Variants in CACHD1 observed in about 807,000 individuals in gnomAD.
CACHD1 encodes cache domain containing 1.
A neutral mutation model predicts 138.7 loss-of-function variants in CACHD1; 71 were observed. The observed-to-expected ratio is 0.51, with a 90% CI of 0.42 to 0.62. The LOEUF (loss-of-function observed/expected upper bound fraction) is 0.62, where lower values mean the gene tolerates loss of function less well. CACHD1 is among the 20% of genes least tolerant of loss of function. The probability of loss-of-function intolerance (pLI) is 0.00; values close to 1 mark genes in which losing one functional copy is unlikely to be tolerated. For missense variants in CACHD1, 1,389 were observed against 1,625.3 expected (o/e 0.85, Z 2.50); for synonymous variants, 578 against 591.5 (o/e 0.98, Z 0.33).
chr1:64,593,653 T>A (rs1647125954), intron 3 of CACHD1, among the ~76,000 whole-genome samples: 1 of 152,194 alleles, frequency 6.6e-6, no homozygotes, highest in South Asian at 2.1e-4. Context: ...CACTGCCTTA[T>A]CTCACACTTC....
intron 2 of CACHD1, among the ~76,000 whole-genome samples, chr1:64,572,853 C>T (rs960117664): frequency 6.6e-6 from 1 of 152,102 alleles, no homozygotes; most frequent in Non-Finnish European, 1.5e-5. Context: ...TGGGCTATTC[C>T]CTCACATCTG....
At chr1:64,505,174 G>A (rs1449614363) in intron 1 of CACHD1, among the ~76,000 whole-genome samples, 1 of 152,076 alleles carries the variant, frequency 6.6e-6, no homozygotes. Flanking sequence ...TTTAAGCTCC[G>A]GATGACCGTG....
rs565533858 is a variant in CACHD1 at position 64,611,054 on chromosome 1, C to G, written c.517+8142C>G. On this transcript the variant is annotated intron_variant, in intron 4 of 26. Coordinates refer to ENST00000651257, the MANE Select transcript of CACHD1 (RefSeq NM_020925.4). ...GCATCCTCTGAAGCCATGGCCCAAG[C>G]TGTGCCTTGGCCCCTTTTAGCCATG... Among the ~76,000 whole-genome samples the G allele has an allele frequency of 3.3e-5, 5 of 152,348 alleles. No individual in the cohort carries two copies. The South Asian group carries it at 1.0e-3, about 32-fold the overall frequency.
intron 5 of CACHD1, 49 bp downstream of exon 5, chr1:64,629,530 C>G (rs199765220): frequency 3.4e-5 from 53 of 1,581,516 alleles, no homozygotes; most frequent in Non-Finnish European, 4.4e-5. Flanking sequence ...TAAGAGTGAT[C>G]TACATGAAAT....
chr1:64,483,864 T>C (rs58358185), intron 1 of CACHD1, among the ~76,000 whole-genome samples: 4,229 of 130,392 alleles, frequency 0.032, 280 homozygotes, highest in African/African-American at 0.13. Flanking sequence ...TCTTTTACCT[T>C]CCCCCCCCCC....
intron 1 of CACHD1, among the ~76,000 whole-genome samples, chr1:64,534,618 G>A (rs1646617453): frequency 6.6e-6 from 1 of 152,186 alleles, no homozygotes. Flanking sequence ...GTATCTGCTT[G>A]CACTTGCCTC....
Position 64,470,683 on chromosome 1 carries a change from C to T in CACHD1, c.-62C>T. ...GGGTGCGCCGCGCTTTTGCGGGGGG[C>T]ACCTCCCGCGGCCCGCTTCCCCGCG... On this transcript the variant is annotated 5_prime_UTR_variant, in exon 1 of 27. Transcript: ENST00000651257. The surrounding 1 kb of genome is among the most constrained non-coding windows in gnomAD (Gnocchi z 5.2). The T allele has an allele frequency of 2.2e-6, 1 of 463,760 alleles. No homozygotes were observed. The highest frequency in any genetic ancestry group is 3.7e-6 in the Non-Finnish European group (1 of 266,672). The allele number at this position is 463,760 out of a possible 1,614,324, so 28.7% of individuals were successfully genotyped here.
intron 1 of CACHD1, among the ~76,000 whole-genome samples, chr1:64,543,463 C>G (rs977653300): frequency 6.7e-6 from 1 of 148,356 alleles, no homozygotes; most frequent in Non-Finnish European, 1.5e-5. Flanking sequence ...CACGTCCTAG[C>G]TACTTGGGAG....
At chr1:64,561,744 G>C (rs896564976) in intron 2 of CACHD1, among the ~76,000 whole-genome samples, 1 of 150,816 alleles carries the variant, frequency 6.6e-6, no homozygotes, top group Non-Finnish European at 1.5e-5. Flanking sequence ...TGTAGTCCCA[G>C]CTATTCAGGA....
chr1:64,509,719 AT>A (rs1434562983), intron 1 of CACHD1, among the ~76,000 whole-genome samples: 2 of 152,166 alleles, frequency 1.3e-5, no homozygotes, highest in Non-Finnish European at 2.9e-5. Context: ...ATTTTATGAT[AT>A]TTTTTCAAAA....
chr1:64,516,464 T>TATTA (rs1646460285), intron 1 of CACHD1, among the ~76,000 whole-genome samples: 1 of 152,198 alleles, frequency 6.6e-6, no homozygotes, highest in South Asian at 2.1e-4. Flanking sequence ...CCCGGCATAA[T>TATTA]GCCTGGCACA....
At chr1:64,627,413 AT>A (rs1388765937) in intron 4 of CACHD1, among the ~76,000 whole-genome samples, 3 of 152,094 alleles carry the variant, frequency 2.0e-5, no homozygotes, top group Non-Finnish European at 4.4e-5. Flanking sequence ...TCTCAAAAAA[AT>A]TTTTTAAATA....
chr1:64,576,358 C>T (rs1646967141), intron 2 of CACHD1, among the ~76,000 whole-genome samples: 1 of 152,070 alleles, frequency 6.6e-6, no homozygotes, highest in African/African-American at 2.4e-5. Context: ...TACATTGGCC[C>T]TTCGGTCCTC....
At chr1:64,567,986 G>A (rs12411114) in intron 2 of CACHD1, among the ~76,000 whole-genome samples, 92,067 of 151,992 alleles carry the variant, frequency 0.61, 30,485 homozygotes, top group Non-Finnish European at 0.72. Flanking sequence ...GAGGAAGCGC[G>A]TTATATTACT....
At chr1:64,665,419 C>G (rs2100705926) in intron 15 of CACHD1, among the ~76,000 whole-genome samples, 1 of 151,970 alleles carries the variant, frequency 6.6e-6, no homozygotes, top group Middle Eastern at 3.4e-3. Flanking sequence ...AAGATCACAC[C>G]ACTGCACTCC....
rs2100243809 is a variant in CACHD1, at chr1:64,470,222, T to A, written c.-523T>A. ...CTTTCTTTCTTTCAGTTGTGTGGGT[T>A]TGTGAAGCCTCCCCTTTCCCTCCTC... is the stretch of plus-strand genomic sequence containing the variant. On this transcript the variant is annotated 5_prime_UTR_variant, in exon 1 of 27. In the 5' UTR this introduces an upstream ATG that the reference lacks. Coordinates refer to ENST00000651257, the MANE Select transcript of CACHD1 (RefSeq NM_020925.4). The surrounding 1 kb of genome is among the most constrained non-coding windows in gnomAD (Gnocchi z 5.2). Among the ~76,000 whole-genome samples the A allele has an allele frequency of 6.6e-6, 1 of 152,100 alleles. No homozygotes were observed. The highest frequency in any genetic ancestry group is 2.4e-5 in the African/African-American group (1 of 41,534).
intron 4 of CACHD1, among the ~76,000 whole-genome samples, chr1:64,615,365 C>G (rs1174752269): frequency 1.3e-5 from 2 of 152,212 alleles, no homozygotes; most frequent in Non-Finnish European, 2.9e-5. Flanking sequence ...GCAAAGGCCT[C>G]TGCCAACCCC....
intron 12 of CACHD1, among the ~76,000 whole-genome samples, chr1:64,656,838 T>C (rs1352799115): frequency 4.0e-5 from 6 of 151,816 alleles, no homozygotes; most frequent in African/African-American, 1.5e-4. Context: ...AGGGCAAATA[T>C]TTTTAAGATC....
At chr1:64,510,407 T>G (rs1231027959) in intron 1 of CACHD1, among the ~76,000 whole-genome samples, 1 of 152,148 alleles carries the variant, frequency 6.6e-6, no homozygotes, top group Non-Finnish European at 1.5e-5. Context: ...CATTAAGGAC[T>G]GTTACCTGGG....
Sources: allele counts gnomAD v4.1 joint callset (sites outside exome capture counted in the v4.1 genomes callset), GRCh38; gene constraint gnomAD v4.1.1; non-coding constraint Gnocchi (gnomAD v3.1); transcripts MANE v1.5; gene names NCBI Gene and HGNC (gene_info 2026-07-23, HGNC 2026-07-21).